Variants in SGF29 observed in about 807,000 individuals in gnomAD.
SGF29 encodes the protein SAGA-associated factor 29.
Under a neutral mutation model 38.1 loss-of-function variants are expected in SGF29, and 15 were observed. The observed-to-expected ratio is 0.39, with a 90% CI of 0.26 to 0.61. The LOEUF (loss-of-function observed/expected upper bound fraction) is 0.61. Ranked by LOEUF, SGF29 falls within the 20% of genes least tolerant of loss-of-function variation. SGF29 has a pLI of 0.49. For missense variants in SGF29, 184 were observed against 394.6 expected (o/e 0.47, Z 4.52); for synonymous variants, 151 against 160.8 (o/e 0.94, Z 0.46).
chr16:28,559,632 T>C (rs1206403675), intron 1 of SGF29, among the ~76,000 whole-genome samples: 2 of 152,108 alleles, frequency 1.3e-5, no homozygotes, highest in African/African-American at 4.8e-5. Flanking sequence ...CACCTTGGCC[T>C]CCAAAAGTGC....
chr16:28,560,251 A>G (rs1327646453), intron 1 of SGF29, among the ~76,000 whole-genome samples: 1 of 151,356 alleles, frequency 6.6e-6, no homozygotes, highest in Non-Finnish European at 1.5e-5. Context: ...AAATTTTAAA[A>G]TATATTTTTA....
chr16:28,582,235 G>A (rs780224361), intron 2 of SGF29, among the ~76,000 whole-genome samples: 1 of 152,224 alleles, frequency 6.6e-6, no homozygotes, highest in Non-Finnish European at 1.5e-5. Context: ...TACGTGCTGT[G>A]TATTCCAACT....
intron 1 of SGF29, among the ~76,000 whole-genome samples, chr16:28,561,928 T>G (rs1315311172): frequency 1.3e-5 from 2 of 152,186 alleles, no homozygotes; most frequent in African/African-American, 4.8e-5. Context: ...TTGCTTCTAC[T>G]TAGAACATGT....
chr16:28,590,069 G>A lies in SGF29; in HGVS notation c.290-27G>A, dbSNP rs181679812. 7.5e-6 allele frequency: 12 copies of A among 1,602,424 alleles called. No homozygotes were observed. The highest frequency in any genetic ancestry group is 1.1e-5 in the South Asian group (1 of 88,324). On this transcript the variant is annotated intron_variant, in intron 5 of 9. Coordinates refer to ENST00000317058, the MANE Select transcript of SGF29 (RefSeq NM_138414.3). This position sits in a 1 kb window ranked among gnomAD's most constrained non-coding sequence, Gnocchi z 8.2. Reference sequence around the variant, plus strand: ...GTCAAGGCCGGCACCTATCCCTGGGGCCTCAGGCCTCCCTTCCTTCCCACA... The same window carrying A: ...GTCAAGGCCGGCACCTATCCCTGGGACCTCAGGCCTCCCTTCCTTCCCACA...
intron 1 of SGF29, among the ~76,000 whole-genome samples, chr16:28,554,620 C>T (rs961497681): frequency 6.6e-6 from 1 of 152,192 alleles, no homozygotes; most frequent in Non-Finnish European, 1.5e-5. Flanking sequence ...AAAAAATGCC[C>T]GTCTTAAGAA....
chr16:28,557,467 TGAC>T (rs2046759347), intron 1 of SGF29, among the ~76,000 whole-genome samples: 1 of 152,222 alleles, frequency 6.6e-6, no homozygotes, highest in African/African-American at 2.4e-5. Context: ...GTATCCATTG[TGAC>T]ATCCTTTATA....
chr16:28,580,241 G>T (rs181908876), intron 1 of SGF29, among the ~76,000 whole-genome samples: 49 of 152,210 alleles, frequency 3.2e-4, no homozygotes, highest in Non-Finnish European at 5.9e-5. Flanking sequence ...ATATCAATAG[G>T]GTGGAGGAGA....
intron 1 of SGF29, among the ~76,000 whole-genome samples, chr16:28,578,561 G>A (rs1320025970): frequency 6.6e-6 from 1 of 152,038 alleles, no homozygotes; most frequent in African/African-American, 2.4e-5. Context: ...AGCAGAGCAT[G>A]TAAGAAGATA....
chr16:28,572,927 C>T (rs1331919251), intron 1 of SGF29, among the ~76,000 whole-genome samples: 1 of 152,066 alleles, frequency 6.6e-6, no homozygotes, highest in African/African-American at 2.4e-5. Flanking sequence ...CACTTTCCTC[C>T]ATTCAGCACC....
intron 4 of SGF29, among the ~76,000 whole-genome samples, chr16:28,585,975 CAG>C (rs1209685096): frequency 6.6e-6 from 1 of 152,162 alleles, no homozygotes; most frequent in African/African-American, 2.4e-5. Flanking sequence ...ATGACCTTGG[CAG>C]AGTCATTAAA....
intron 1 of SGF29, among the ~76,000 whole-genome samples, chr16:28,558,496 C>T (rs1206648530): frequency 6.6e-6 from 1 of 152,060 alleles, no homozygotes; most frequent in African/African-American, 2.4e-5. Flanking sequence ...TGGGCTCAAG[C>T]AATCCTCTGT....
intron 1 of SGF29, among the ~76,000 whole-genome samples, chr16:28,572,390 C>T (rs2046870273): frequency 6.6e-6 from 1 of 152,070 alleles, no homozygotes; most frequent in Non-Finnish European, 1.5e-5. Flanking sequence ...CTGCCTCAGC[C>T]TCCGAGTAGC....
Position 28,585,635 on chromosome 16 carries a change from G to GT in SGF29, c.152-10dup. The GT allele has an allele frequency of 1.2e-6, 2 of 1,613,720 alleles. No individual in the cohort carries two copies. Among genetic ancestry groups the GT allele is most frequent in the Non-Finnish European group, 1.7e-6 (2 of 1,179,584 alleles). On this transcript the variant is annotated splice_polypyrimidine_tract_variant and intron_variant, in intron 3 of 9. Transcript: ENST00000317058. ...CCTGGCCCTGCCTCCTTATCCCTGT[G>GT]TTTCCTCTGCAGTTTCTCCCTATTA... is the stretch of plus-strand genomic sequence containing the variant.
intron 1 of SGF29, among the ~76,000 whole-genome samples, chr16:28,570,418 C>T (rs904697797): frequency 1.3e-5 from 2 of 152,112 alleles, no homozygotes; most frequent in South Asian, 4.1e-4. Context: ...GCCTGTCCCA[C>T]CGTTGTATTT....
chr16:28,556,582 G>C (rs1268522815), intron 1 of SGF29, among the ~76,000 whole-genome samples: 1 of 152,164 alleles, frequency 6.6e-6, no homozygotes, highest in African/African-American at 2.4e-5. Flanking sequence ...CCTGATCTTA[G>C]TTGATCTGCC....
At position 28,556,508 on chromosome 16, in the gene SGF29, C is replaced by T. The variant is rs1159497723; in HGVS notation, c.-16+2411C>T. Among the ~76,000 whole-genome samples, 5 of 152,132 alleles carry T rather than the reference C, an allele frequency of 3.3e-5. No individual in the cohort carries two copies. The East Asian group carries it at 9.6e-4, about 29-fold the overall frequency. Reference sequence around the variant, plus strand: ...GATTACAGGCATGTGCCACCACACCCGATTAATTTTGTATTTTTAGTAGAG... The same window carrying T: ...GATTACAGGCATGTGCCACCACACCTGATTAATTTTGTATTTTTAGTAGAG... On this transcript the variant is annotated intron_variant, in intron 1 of 9. Coordinates refer to ENST00000317058, the MANE Select transcript of SGF29 (RefSeq NM_138414.3).
In SGF29 at chr16:28,562,903, C is replaced by CAAA. The variant is rs753973229; in HGVS notation, c.-16+8828_-16+8830dup. On this transcript the variant is annotated intron_variant, in intron 1 of 9. Transcript: ENST00000317058. Reference sequence around the variant, plus strand: ...TGGGTGACAGAGTGAGACCCTGTCTCAAAAAAAAAAAAAAAAAAAAAAAAG... The same window carrying CAAA: ...TGGGTGACAGAGTGAGACCCTGTCTCAAAAAAAAAAAAAAAAAAAAAAAAAAAG... Among the ~76,000 whole-genome samples the CAAA allele has an allele frequency of 4.4e-3, 225 of 50,658 alleles. 8 individuals carry two copies. Among genetic ancestry groups the CAAA allele is most frequent in the Middle Eastern group, 0.012 (1 of 84 alleles). The allele number at this position is 50,658 out of a possible 152,430, so 33.2% of individuals were successfully genotyped here. A position where few individuals can be genotyped will look rare whatever the true frequency, so the allele number is the denominator to read the frequency against.
At chr16:28,569,754 A>G (rs2046854139) in intron 1 of SGF29, among the ~76,000 whole-genome samples, 2 of 152,212 alleles carry the variant, frequency 1.3e-5, no homozygotes, top group Non-Finnish European at 2.9e-5. Flanking sequence ...GCCAGGTACT[A>G]ATCAAGACAA....
chr16:28,589,525 C>T (rs1196921203), intron 5 of SGF29: 3 of 250,376 alleles, frequency 1.2e-5, no homozygotes, highest in Non-Finnish European at 1.6e-5. Flanking sequence ...GCCTTCCAGA[C>T]CCCCTCAGCC....
Sources: allele counts gnomAD v4.1 joint callset (sites outside exome capture counted in the v4.1 genomes callset), GRCh38; gene constraint gnomAD v4.1.1; non-coding constraint Gnocchi (gnomAD v3.1); transcripts MANE v1.5; gene names NCBI Gene and HGNC (gene_info 2026-07-23, HGNC 2026-07-21).